C9orf153: variants seen among roughly 807,000 people sequenced by gnomAD.
C9orf153 encodes uncharacterized protein C9orf153.
In C9orf153, 10 loss-of-function variants were observed where a neutral mutation model predicts 9.0. The ratio of observed to expected loss-of-function variants is 1.11; its 90% CI spans 0.69 to 1.89. The LOEUF is 1.89. C9orf153 is among the 40% of genes most tolerant of loss of function. The probability of loss-of-function intolerance (pLI) is 0.00; values close to 1 mark genes in which losing one functional copy is unlikely to be tolerated. For missense variants in C9orf153, 108 were observed against 111.0 expected (o/e 0.97, Z 0.12); for synonymous variants, 35 against 37.3 (o/e 0.94, Z 0.23).
chr9:86,232,623 T>C (rs1039769561), intron 1 of C9orf153, among the ~76,000 whole-genome samples: 8 of 152,118 alleles, frequency 5.3e-5, no homozygotes, highest in Non-Finnish European at 1.0e-4. Flanking sequence ...CCCCAACTTT[T>C]CACCCTTCCC....
chr9:86,226,167 T>C (rs1219416589), intron 3 of C9orf153, among the ~76,000 whole-genome samples: 2 of 152,222 alleles, frequency 1.3e-5, no homozygotes, highest in African/African-American at 2.4e-5. Context: ...TTAGGCAACG[T>C]AGGACTCTAT....
chr9:86,231,420 A>G (rs1824466119), intron 1 of C9orf153, among the ~76,000 whole-genome samples: 1 of 152,150 alleles, frequency 6.6e-6, no homozygotes, highest in Non-Finnish European at 1.5e-5. Flanking sequence ...GTACCACTGT[A>G]TCATGACTGG....
rs752826487 is a variant in C9orf153 at position 86,252,024 on chromosome 9, G to GA, written c.-27+7525_-27+7526insT. 4.0e-5 allele frequency among the ~76,000 whole-genome samples: 6 copies of GA among 151,336 alleles called. No individual in the cohort carries two copies. The East Asian group carries it at 5.9e-4, about 15-fold the overall frequency. ...GTTGGTCTCATGCTGTCGTTATTTG[G>GA]TCTTTTTTGTTTTGTTTTGTTTTGT... On this transcript the variant is annotated intron_variant, in intron 1 of 3. Coordinates refer to ENST00000339137, the MANE Select transcript of C9orf153 (RefSeq NM_001276366.4).
At chr9:86,228,126 A>C in intron 2 of C9orf153, 96 bp from the exon 3 acceptor site, 1 of 878,738 alleles carries the variant, frequency 1.1e-6, no homozygotes, top group Non-Finnish European at 1.7e-6. Context: ...AGGACAATAA[A>C]TAACCATAAA....
chr9:86,222,783 T>A (rs1824236151), intron 3 of C9orf153, among the ~76,000 whole-genome samples: 1 of 152,044 alleles, frequency 6.6e-6, no homozygotes, highest in South Asian at 2.1e-4. Flanking sequence ...TAAGGAGAAT[T>A]ATGGTCACAG....
At position 86,221,687 on chromosome 9, in the gene C9orf153, C is replaced by T; in HGVS notation, c.*1G>A. The T allele has an allele frequency of 1.9e-6, 3 of 1,549,826 alleles. No individual in the cohort carries two copies. The highest frequency in any genetic ancestry group is 1.4e-5 in the African/African-American group (1 of 73,066). ...TAGTGCGCCTCCACTTCGCAAGCCCCTTAAAATATCTCCATTCCAGATCCC... is the reference window on the plus strand; with the variant it reads ...TAGTGCGCCTCCACTTCGCAAGCCCTTTAAAATATCTCCATTCCAGATCCC... On this transcript the variant is annotated 3_prime_UTR_variant, in exon 4 of 4. Coordinates refer to ENST00000339137, the MANE Select transcript of C9orf153 (RefSeq NM_001276366.4).
chr9:86,227,730 C>A, intron 3 of C9orf153, 125 bp downstream of exon 3: 1 of 1,416,750 alleles, frequency 7.1e-7, no homozygotes, highest in Non-Finnish European at 9.2e-7. Flanking sequence ...GGGGAGATCC[C>A]ACACTGTGAC....
intron 1 of C9orf153, among the ~76,000 whole-genome samples, chr9:86,246,298 G>T (rs1000476596): frequency 1.3e-5 from 2 of 152,106 alleles, no homozygotes; most frequent in Non-Finnish European, 2.9e-5. Context: ...ACACTCAATC[G>T]CATGCCATTG....
At chr9:86,245,564 G>A (rs1241970392) in intron 1 of C9orf153, among the ~76,000 whole-genome samples, 4 of 152,080 alleles carry the variant, frequency 2.6e-5, no homozygotes, top group Non-Finnish European at 4.4e-5. Context: ...GTTCATCCAC[G>A]TTATAGAGTA....
intron 1 of C9orf153, among the ~76,000 whole-genome samples, chr9:86,238,107 CA>C (rs1182716976): frequency 3.3e-5 from 5 of 151,864 alleles, no homozygotes; most frequent in Non-Finnish European, 7.4e-5. Context: ...CAAAACAAAA[CA>C]AAAAACCCAA....
chr9:86,236,929 C>T (rs1265394760), intron 1 of C9orf153, among the ~76,000 whole-genome samples: 6 of 145,666 alleles, frequency 4.1e-5, no homozygotes, highest in Non-Finnish European at 3.0e-5. Flanking sequence ...TGGGAGACCC[C>T]GTCTCTAAAT....
rs1166741186 is a variant in C9orf153 at position 86,221,528 on chromosome 9, AT to A, written c.*159del. The A allele has an allele frequency of 2.2e-6, 3 of 1,357,472 alleles. No homozygotes were observed. The African/African-American group carries it at 4.5e-5, about 20-fold the overall frequency. The allele number at this position is 1,357,472 out of a possible 1,614,324, so 84.1% of individuals were successfully genotyped here. ...TCCATTTAAGAGAATAACTTCCTTC[AT>A]TTTGATAATCAATTTGAGGATAAAT... On this transcript the variant is annotated 3_prime_UTR_variant, in exon 4 of 4. Coordinates refer to ENST00000339137, the MANE Select transcript of C9orf153 (RefSeq NM_001276366.4).
intron 1 of C9orf153, among the ~76,000 whole-genome samples, chr9:86,252,467 A>G (rs1179747684): frequency 9.2e-5 from 14 of 152,194 alleles, no homozygotes; most frequent in Admixed American, 8.5e-4. Flanking sequence ...CTGTTATCCT[A>G]TTCTGATCAA....
chr9:86,226,404 C>A (rs1338995708), intron 3 of C9orf153, among the ~76,000 whole-genome samples: 5 of 152,052 alleles, frequency 3.3e-5, no homozygotes, highest in Non-Finnish European at 7.4e-5. Flanking sequence ...TCACTGCAAC[C>A]TCTGCCTCCT....
chr9:86,249,610 G>A (rs773156445), intron 1 of C9orf153, among the ~76,000 whole-genome samples: 45 of 151,032 alleles, frequency 3.0e-4, no homozygotes, highest in African/African-American at 4.6e-4. Context: ...GCGCAGTGGC[G>A]CGATTTTGGC....
intron 1 of C9orf153, among the ~76,000 whole-genome samples, chr9:86,229,938 G>A (rs1359326274): frequency 1.3e-5 from 2 of 152,058 alleles, no homozygotes; most frequent in Non-Finnish European, 1.5e-5. Context: ...TACATGGCCA[G>A]GACAGGAGAA....
chr9:86,250,990 C>T (rs565124577), intron 1 of C9orf153, among the ~76,000 whole-genome samples: 2 of 152,310 alleles, frequency 1.3e-5, no homozygotes, highest in South Asian at 2.1e-4. Context: ...AACTCCTGGG[C>T]TCAGGCAATC....
chr9:86,249,236 G>T (rs190099670), intron 1 of C9orf153, among the ~76,000 whole-genome samples: 3 of 152,174 alleles, frequency 2.0e-5, no homozygotes, highest in Non-Finnish European at 2.9e-5. Flanking sequence ...ACCAAGAAAG[G>T]CCTCCCTGGG....
intron 1 of C9orf153, among the ~76,000 whole-genome samples, chr9:86,253,174 T>G (rs1252727096): frequency 6.6e-6 from 1 of 152,324 alleles, no homozygotes; most frequent in African/African-American, 2.4e-5. Flanking sequence ...ATGGACATAA[T>G]TGAATACACT....
Sources: allele counts gnomAD v4.1 joint callset (sites outside exome capture counted in the v4.1 genomes callset), GRCh38; gene constraint gnomAD v4.1.1; transcripts MANE v1.5; gene names NCBI Gene and HGNC (gene_info 2026-07-23, HGNC 2026-07-21).